ACAP3: variants seen among roughly 807,000 people sequenced by gnomAD.
ACAP3 encodes arf-GAP with coiled-coil, ANK repeat and PH domain-containing protein 3.
Under a neutral mutation model 104.1 loss-of-function variants are expected in ACAP3, and 56 were observed. The observed-to-expected ratio is 0.54, with a 90% CI of 0.43 to 0.67. ACAP3 has a LOEUF of 0.67. ACAP3 is among the 30% of genes least tolerant of loss of function. The pLI, the probability that ACAP3 is intolerant of heterozygous loss-of-function variation, is 0.00. For synonymous variants in ACAP3, 628 were observed against 496.2 expected (o/e 1.27, Z -3.53); for missense variants, 1,208 against 1,174.9 (o/e 1.03, Z -0.41).
Position 1,295,498 on chromosome 1 carries a change from C to G in ACAP3, c.1762G>C (p.Asp588His), listed in dbSNP as rs562684378. Residue 588 changes from aspartate to histidine, a missense_variant, in exon 19 of 24, where the codon GAC (aspartate) becomes CAC (histidine). By Grantham distance (81) the Asp-to-His change is moderately conservative. Coordinates refer to ENST00000354700, the MANE Select transcript of ACAP3 (RefSeq NM_030649.3). Reference protein sequence around the residue: ...RDSLFCPDELDSLFSYFDAGA... With the variant: ...RDSLFCPDELHSLFSYFDAGA... ...GCGTCGAAGTAGGAGAAGAGCGAGT[C>G]CAGCTCGTCGGGACAGAAGAGGGAG... 5 of 1,612,660 alleles carry G rather than the reference C, an allele frequency of 3.1e-6. No homozygotes were observed. Among genetic ancestry groups the G allele is most frequent in the East Asian group, 4.5e-5 (2 of 44,870 alleles).
At chr1:1,300,129 G>C (rs1557605638) in intron 7 of ACAP3, 29 bp downstream of exon 7, 1 of 1,608,692 alleles carries the variant, frequency 6.2e-7, no homozygotes, top group Non-Finnish European at 8.5e-7. Context: ...CATGCAGCCT[G>C]TGCTCAGGGG....
chr1:1,298,798 AC>A, intron 10 of ACAP3, 119 bp from the exon 11 acceptor site: 1 of 743,692 alleles, frequency 1.3e-6, no homozygotes, highest in Non-Finnish European at 2.3e-6. Context: ...CGGCCCACGG[AC>A]CACACGCTCA....
Position 1,303,451 on chromosome 1 carries a change from GCTTGGAGGCCCGTCTGGGA to G in ACAP3, c.106-189_106-171del. 1.3e-6 allele frequency: 1 copy of G among 775,750 alleles called. No individual in the cohort carries two copies. The highest frequency in any genetic ancestry group is 1.9e-6 in the Non-Finnish European group (1 of 523,934). The allele number at this position is 775,750 out of a possible 1,614,324, so 48.1% of individuals were successfully genotyped here. Reference sequence around the variant, plus strand: ...TTCCTCACGCCTGGGCCTGCCTGGGGCTTGGAGGCCCGTCTGGGAGGGGAGGGTGGGGCCGCCACGGCTC... The same window carrying G: ...TTCCTCACGCCTGGGCCTGCCTGGGGGGGGAGGGTGGGGCCGCCACGGCTC... On this transcript the variant is annotated intron_variant, in intron 2 of 23. Transcript: ENST00000354700. The surrounding 1 kb of genome is among the most constrained non-coding windows in gnomAD (Gnocchi z 4.0).
chr1:1,298,343 GGCCCCA>G, intron 12 of ACAP3, 21 bp downstream of exon 12: 4 of 1,606,142 alleles, frequency 2.5e-6, no homozygotes, highest in Non-Finnish European at 3.4e-6. Context: ...CAGCCATCAG[GGCCCCA>G]GCCCCAGGCC....
chr1:1,304,382 G>A (rs1641591263), intron 1 of ACAP3: 4 of 593,878 alleles, frequency 6.7e-6, no homozygotes, highest in South Asian at 5.9e-5. Flanking sequence ...GGGGAAGAAG[G>A]CTGGACCAGC....
Position 1,302,860 on chromosome 1 carries a change from A to G in ACAP3, c.279+62T>C, listed in dbSNP as rs1272504484. ...CCAACCCGACGCCGGCCTTCAGGTG[A>G]GCCAGCGCAGCTCGGTTCCAGGCCA... On this transcript the variant is annotated intron_variant, in intron 4 of 23. Coordinates refer to ENST00000354700, the MANE Select transcript of ACAP3 (RefSeq NM_030649.3). 3.6e-6 allele frequency: 5 copies of G among 1,390,102 alleles called. No individual in the cohort carries two copies. In the African/African-American group the frequency reaches 6.3e-5, roughly 18 times the overall value. 86.1% of individuals were successfully genotyped at this position (1,390,102 alleles called of 1,614,324 possible).
rs904805891 is a variant in ACAP3 at position 1,299,823 on chromosome 1, G to C, written c.738+8C>G. 1.3e-6 allele frequency: 2 copies of C among 1,542,964 alleles called. No homozygotes were observed. The highest frequency in any genetic ancestry group is 4.3e-4 in the Middle Eastern group (2 of 4,642). ...CTGGTGTGCAGGGAGCCGGCTGCGC[G>C]GCCTCACCCGCTGCTGGATGGCGGC... is the stretch of plus-strand genomic sequence containing the variant. On this transcript the variant is annotated splice_region_variant and intron_variant, in intron 9 of 23. Transcript: ENST00000354700.
chr1:1,298,376 C>T lies in ACAP3; in HGVS notation c.909G>A (p.Lys303=), dbSNP rs375286235. Residue 303 remains lysine, a synonymous_variant, in exon 12 of 24, where the codon AAG becomes AAA. Coordinates refer to ENST00000354700, the MANE Select transcript of ACAP3 (RefSeq NM_030649.3). ...IQNSQLVYQK[K]LKDALTVVVD... ...CCCCAGGCCCAGGGCACACCTTGAG[C>T]TTCTTCTGGTAGACCAGCTGGCTGT... The T allele has an allele frequency of 9.4e-6, 15 of 1,604,080 alleles. No individual in the cohort carries two copies. In the African/African-American group the frequency reaches 1.3e-4, roughly 14 times the overall value.
intron 9 of ACAP3, 87 bp from the exon 10 acceptor site, chr1:1,299,443 ACTC>A (rs1249670133): frequency 1.4e-6 from 2 of 1,387,884 alleles, no homozygotes; most frequent in East Asian, 5.4e-5. Context: ...CCCGTCCCCA[ACTC>A]CTGGTGACTG....
chr1:1,306,065 C>T (rs1029705686), intron 1 of ACAP3: 3 of 152,438 alleles, frequency 2.0e-5, no homozygotes, highest in African/African-American at 7.2e-5. Flanking sequence ...ACAGCCTAAC[C>T]CCAAAACCCA....
chr1:1,298,224 C>G, intron 12 of ACAP3, 111 bp from the exon 13 acceptor site: 2 of 1,573,246 alleles, frequency 1.3e-6, no homozygotes, highest in East Asian at 4.6e-5. Flanking sequence ...CCCCAAGCCC[C>G]GTGTCCAGCT....
rs776288243 is a variant in ACAP3, at chr1:1,298,057, C to T, written c.972G>A (p.Glu324=). The change falls in exon 13 of 24, where the codon GAG becomes GAA. Residue 324 remains glutamate, a synonymous_variant. Transcript: ENST00000354700. ...DLRLCSVKPC[E]DIERRFCFEV... ...CGAAGCAGAACCTCCGCTCGATGTC[C>T]TCACACGGCTTCACAGAGCACAGGC... The T allele has an allele frequency of 6.2e-7, 1 of 1,611,506 alleles. No individual in the cohort carries two copies.
intron 10 of ACAP3, 120 bp from the exon 11 acceptor site, chr1:1,298,799 C>T: frequency 1.4e-6 from 1 of 739,412 alleles, no homozygotes; most frequent in Non-Finnish European, 2.3e-6. Flanking sequence ...GGCCCACGGA[C>T]CACACGCTCA....
chr1:1,302,401 CA>C (rs1199198785), intron 4 of ACAP3, among the ~76,000 whole-genome samples: 1 of 152,122 alleles, frequency 6.6e-6, no homozygotes, highest in Non-Finnish European at 1.5e-5. Context: ...CGGGAGCACC[CA>C]GGGGCTGGGC....
chr1:1,305,864 C>T (rs1266888865), intron 1 of ACAP3: 2 of 152,296 alleles, frequency 1.3e-5, no homozygotes, highest in African/African-American at 4.8e-5. Context: ...TAGGCCCTCC[C>T]CAGACCAGGA....
In ACAP3 at chr1:1,298,424, A is replaced by G; in HGVS notation, c.864-3T>C. 1 of 1,600,496 alleles carries G rather than the reference A, an allele frequency of 6.2e-7. No homozygotes were observed. The highest frequency in any genetic ancestry group is 8.5e-7 in the Non-Finnish European group (1 of 1,173,024). ...TGTTCTGAATGGAGAACCAGCGCCT[A>G]GGTGGGTGGGGGGATGTGGGGAGTC... On this transcript the variant is annotated splice_region_variant and splice_polypyrimidine_tract_variant and intron_variant, in intron 11 of 23. Coordinates refer to ENST00000354700, the MANE Select transcript of ACAP3 (RefSeq NM_030649.3).
rs775415413 is a variant in ACAP3 at position 1,296,113 on chromosome 1, G to A, written c.1408-4C>T. The A allele has an allele frequency of 5.6e-6, 9 of 1,612,720 alleles. No individual in the cohort carries two copies. In the South Asian group the frequency reaches 9.9e-5, roughly 18 times the overall value. On this transcript the variant is annotated splice_polypyrimidine_tract_variant and splice_region_variant and intron_variant, in intron 16 of 23. Coordinates refer to ENST00000354700, the MANE Select transcript of ACAP3 (RefSeq NM_030649.3). ...TGTTTCCAAGCTCACACATCAGCTA[G>A]CGGGAGACAGGGCGAGCAGGCATCA...
In ACAP3 at chr1:1,293,918, G is replaced by A. The variant is rs772918255; in HGVS notation, c.2265C>T (p.Phe755=). ...CGTGCTGGTCCGCGCCCCGCTTCAG[G>A]AACAGGCAAACCTGGCTGAGGGGCG... ...LLGRTGQVCL[F]LKRGADQHAL... The change falls in exon 23 of 24, where the codon TTC becomes TTT. Residue 755 remains phenylalanine (F), a synonymous_variant. Coordinates refer to ENST00000354700, the MANE Select transcript of ACAP3 (RefSeq NM_030649.3). 3.2e-6 allele frequency: 5 copies of A among 1,576,436 alleles called. No individual in the cohort carries two copies. Among genetic ancestry groups the A allele is most frequent in the Admixed American group, 1.7e-5 (1 of 57,466 alleles).
At position 1,304,314 on chromosome 1, in the gene ACAP3, G is replaced by C. The variant is rs889996296; in HGVS notation, c.48-171C>G. On this transcript the variant is annotated intron_variant, in intron 1 of 23. Transcript: ENST00000354700. ...GGGCAGGACTGGGACCAGGTTCAGT[G>C]CACTTCCCCCCGCCCCCCCAACCCC... 3.9e-6 allele frequency: 3 copies of C among 775,296 alleles called. No homozygotes were observed. The Admixed American group carries it at 7.8e-5, about 20-fold the overall frequency. 48.0% of individuals were successfully genotyped at this position (775,296 alleles called of 1,614,324 possible).
Sources: allele counts gnomAD v4.1 joint callset (sites outside exome capture counted in the v4.1 genomes callset), GRCh38; gene constraint gnomAD v4.1.1; non-coding constraint Gnocchi (gnomAD v3.1); transcripts MANE v1.5; gene names NCBI Gene and HGNC (gene_info 2026-07-23, HGNC 2026-07-21).